OSBPL11: variants seen among roughly 807,000 people sequenced by gnomAD.
The protein encoded by OSBPL11 is oxysterol-binding protein-related protein 11.
A neutral mutation model predicts 84.4 loss-of-function variants in OSBPL11; 33 were observed. The observed-to-expected ratio is 0.39, with a 90% confidence interval of 0.30 to 0.52. OSBPL11 has a LOEUF of 0.52. OSBPL11 is among the 20% of genes least tolerant of loss of function. OSBPL11 has a pLI of 0.72. For missense variants in OSBPL11, 736 were observed against 901.1 expected (o/e 0.82, Z 2.35); for synonymous variants, 276 against 310.2 (o/e 0.89, Z 1.16).
chr3:125,589,374 A>G (rs1250615970), intron 1 of OSBPL11, among the ~76,000 whole-genome samples: 1 of 151,590 alleles, frequency 6.6e-6, no homozygotes, highest in Non-Finnish European at 1.5e-5. Context: ...AACAGAAAAG[A>G]TATGTAGTGC....
At chr3:125,587,594 A>G (rs564116704) in intron 1 of OSBPL11, among the ~76,000 whole-genome samples, 1 of 152,318 alleles carries the variant, frequency 6.6e-6, no homozygotes, top group East Asian at 1.9e-4. Flanking sequence ...GAGTAGTGGG[A>G]AGAAAACTAG....
At chr3:125,565,836 T>C (rs976402123) in intron 6 of OSBPL11, among the ~76,000 whole-genome samples, 3 of 151,930 alleles carry the variant, frequency 2.0e-5, no homozygotes, top group Non-Finnish European at 4.4e-5. Context: ...AAACTATGAA[T>C]GCCCTTTCCT....
chr3:125,568,700 A>C (rs1936199167), intron 5 of OSBPL11, among the ~76,000 whole-genome samples: 1 of 152,188 alleles, frequency 6.6e-6, no homozygotes, highest in Admixed American at 6.5e-5. Context: ...TTTCAGTTTA[A>C]AAGATTTTAA....
At chr3:125,574,358 A>G (rs1936287939) in intron 5 of OSBPL11, among the ~76,000 whole-genome samples, 1 of 152,112 alleles carries the variant, frequency 6.6e-6, no homozygotes, top group Non-Finnish European at 1.5e-5. Flanking sequence ...TCAACTACAC[A>G]TTTAAAAAAT....
chr3:125,585,858 TCA>T (rs1936502223), intron 1 of OSBPL11, among the ~76,000 whole-genome samples: 1 of 152,212 alleles, frequency 6.6e-6, no homozygotes, highest in South Asian at 2.1e-4. Flanking sequence ...AACATCTGAT[TCA>T]CACTTTCTTT....
chr3:125,582,785 G>A, intron 2 of OSBPL11, 125 bp downstream of exon 2: 1 of 734,276 alleles, frequency 1.4e-6, no homozygotes, highest in Non-Finnish European at 2.2e-6. Flanking sequence ...TAGAAGCTGT[G>A]GGAAATCCTT....
intron 10 of OSBPL11, among the ~76,000 whole-genome samples, chr3:125,541,782 T>C (rs1935732241): frequency 6.6e-6 from 1 of 152,180 alleles, no homozygotes; most frequent in South Asian, 2.1e-4. Context: ...TGGGTCTCAC[T>C]ATGTTGCCCA....
chr3:125,592,425 C>T (rs1318899582), intron 1 of OSBPL11, among the ~76,000 whole-genome samples: 3 of 152,082 alleles, frequency 2.0e-5, no homozygotes, highest in African/African-American at 4.8e-5. Context: ...TAAAAGTTTT[C>T]TGTGTGTCAA....
At chr3:125,549,639 G>A (rs1327739712) in intron 9 of OSBPL11, among the ~76,000 whole-genome samples, 2 of 151,852 alleles carry the variant, frequency 1.3e-5, no homozygotes, top group African/African-American at 4.8e-5. Flanking sequence ...AAGCCAACAT[G>A]CCCAGTTAAT....
At position 125,529,937 on chromosome 3, in the gene OSBPL11, A is replaced by G. The variant is rs1437631470; in HGVS notation, c.*578T>C. 1 of 153,386 alleles carries G rather than the reference A, an allele frequency of 6.5e-6. No individual in the cohort carries two copies. The highest frequency in any genetic ancestry group is 1.5e-5 in the Non-Finnish European group (1 of 68,562). The allele number at this position is 153,386 out of a possible 1,614,324, so 9.5% of individuals were successfully genotyped here. A position where few individuals can be genotyped will look rare whatever the true frequency, so the allele number is the denominator to read the frequency against. ...GGTGGATAATAGGTAAGTTCCTCAG[A>G]CACAGGCATACAGTCTTTTTGAAGA... On this transcript the variant is annotated 3_prime_UTR_variant, in exon 13 of 13. Coordinates refer to ENST00000296220, the MANE Select transcript of OSBPL11 (RefSeq NM_022776.5).
At chr3:125,543,028 T>C (rs1190715553) in intron 10 of OSBPL11, among the ~76,000 whole-genome samples, 1 of 152,114 alleles carries the variant, frequency 6.6e-6, no homozygotes, top group Non-Finnish European at 1.5e-5. Flanking sequence ...AAGGAAATGG[T>C]TATTGAATCA....
chr3:125,547,958 A>G (rs990948778), intron 9 of OSBPL11, among the ~76,000 whole-genome samples: 1 of 152,018 alleles, frequency 6.6e-6, no homozygotes, highest in Non-Finnish European at 1.5e-5. Flanking sequence ...GCTCACTGCA[A>G]CCTCCGACTC....
intron 11 of OSBPL11, among the ~76,000 whole-genome samples, chr3:125,535,707 T>C (rs1222471487): frequency 1.3e-5 from 2 of 150,364 alleles, no homozygotes; most frequent in African/African-American, 4.9e-5. Flanking sequence ...ACTCCTGACC[T>C]CAAGTGACAC....
intron 8 of OSBPL11, among the ~76,000 whole-genome samples, chr3:125,554,277 C>T (rs995413217): frequency 6.6e-6 from 1 of 152,164 alleles, no homozygotes; most frequent in Non-Finnish European, 1.5e-5. Flanking sequence ...CATTTAATAA[C>T]TCCATATAAA....
At chr3:125,579,067 A>G in intron 3 of OSBPL11, 28 bp from the exon 4 acceptor site, 1 of 1,453,528 alleles carries the variant, frequency 6.9e-7, no homozygotes, top group Non-Finnish European at 9.4e-7. Context: ...AAATTATTTT[A>G]TATTTATTTA....
At position 125,595,045 on chromosome 3, in the gene OSBPL11, C is replaced by A; in HGVS notation, c.-245G>T. On this transcript the variant is annotated 5_prime_UTR_variant, in exon 1 of 13. Transcript: ENST00000296220. ...CCTTCACATGTATCTCTCTCCTTTC[C>A]GGCAAAAGCAAGGAGGAAAAAGCAT... is the stretch of plus-strand genomic sequence containing the variant. 4.8e-6 allele frequency: 2 copies of A among 413,222 alleles called. No individual in the cohort carries two copies. Among genetic ancestry groups the A allele is most frequent in the Middle Eastern group, 6.7e-4 (1 of 1,500 alleles). 25.6% of individuals were successfully genotyped at this position (413,222 alleles called of 1,614,324 possible).
At chr3:125,586,824 T>C (rs1370387219) in intron 1 of OSBPL11, among the ~76,000 whole-genome samples, 1 of 152,200 alleles carries the variant, frequency 6.6e-6, no homozygotes, top group Non-Finnish European at 1.5e-5. Flanking sequence ...AATATACTTA[T>C]TTCTCAACCT....
chr3:125,568,402 G>A (rs1936193285), intron 5 of OSBPL11, among the ~76,000 whole-genome samples: 1 of 150,306 alleles, frequency 6.7e-6, no homozygotes, highest in South Asian at 2.1e-4. Flanking sequence ...CTGCATTCCA[G>A]CCTGGGCGAT....
At chr3:125,589,106 TA>T (rs1936559603) in intron 1 of OSBPL11, among the ~76,000 whole-genome samples, 1 of 152,154 alleles carries the variant, frequency 6.6e-6, no homozygotes, top group African/African-American at 2.4e-5. Flanking sequence ...CCCAGTACTT[TA>T]AGAGGCCTAG....
Sources: allele counts gnomAD v4.1 joint callset (sites outside exome capture counted in the v4.1 genomes callset), GRCh38; gene constraint gnomAD v4.1.1; transcripts MANE v1.5; gene names NCBI Gene and HGNC (gene_info 2026-07-23, HGNC 2026-07-21).